The following ZNF503 variants were observed in gnomAD, a reference collection of about 807,000 sequenced individuals.
ZNF503 encodes the protein NocA-like zinc finger 2.
Under a neutral mutation model 34.4 loss-of-function variants are expected in ZNF503, and 15 were observed. That is an observed-to-expected ratio of 0.44 (90% confidence interval 0.29 to 0.67). The LOEUF (loss-of-function observed/expected upper bound fraction) is 0.67, where lower values mean the gene tolerates loss of function less well. ZNF503 is among the 30% of genes least tolerant of loss of function. ZNF503 has a pLI of 0.13. For synonymous variants in ZNF503, 580 were observed against 456.8 expected, an observed-to-expected ratio of 1.27 and a Z score of -3.44; for missense variants, 1,007 against 926.8, an observed-to-expected ratio of 1.09 and a Z score of -1.12.
chr10:75,337,284 G>A, the ZNF503 span, among the ~76,000 whole-genome samples: 11 of 151,734 alleles, frequency 7.2e-5, no homozygotes, highest in African/African-American at 2.2e-4. Context: ...AGCCGAGATC[G>A]TGCTACTGCC....
At chr10:75,311,362 C>T in the ZNF503 span, among the ~76,000 whole-genome samples, 1 of 152,328 alleles carries the variant, frequency 6.6e-6, no homozygotes, top group East Asian at 1.9e-4. Context: ...CCTTTGGCAA[C>T]ACCCTCACAG....
the ZNF503 span, among the ~76,000 whole-genome samples, chr10:75,300,611 A>T: frequency 6.6e-6 from 1 of 152,038 alleles, no homozygotes; most frequent in Admixed American, 6.5e-5. Context: ...TGAAATCTTC[A>T]CAATCCACAT....
the ZNF503 span, among the ~76,000 whole-genome samples, chr10:75,336,484 G>A: frequency 5.9e-5 from 9 of 151,648 alleles, no homozygotes; most frequent in African/African-American, 1.9e-4. Context: ...TTTGCTAAAT[G>A]TTAGGGAGCT....
rs530551308 is a variant in ZNF503 at position 75,400,581 on chromosome 10, C to T, written c.316-207G>A. Among the ~76,000 whole-genome samples, 4 of 152,308 alleles carry T rather than the reference C, an allele frequency of 2.6e-5. No homozygotes were observed. The South Asian group carries it at 8.3e-4, about 32-fold the overall frequency. ...TGGGAAAGGCAGCAGATTGCTCCCC[C>T]CGCCCAACCACCACCCCCAGCAGCA... On this transcript the variant is annotated intron_variant, in intron 1 of 1. Coordinates refer to ENST00000372524, the MANE Select transcript of ZNF503 (RefSeq NM_032772.6).
chr10:75,320,818 C>G, the ZNF503 span, among the ~76,000 whole-genome samples: 2 of 152,086 alleles, frequency 1.3e-5, no homozygotes, highest in African/African-American at 4.8e-5. Flanking sequence ...AGAAGAAAAT[C>G]ATAATCTTAT....
the ZNF503 span, among the ~76,000 whole-genome samples, chr10:75,377,230 C>T: frequency 1.2e-4 from 19 of 152,320 alleles, no homozygotes; most frequent in African/African-American, 4.6e-4. Context: ...AGGGCCTTTC[C>T]TGGGCCTTTC....
the ZNF503 span, among the ~76,000 whole-genome samples, chr10:75,387,845 A>T: frequency 6.6e-6 from 1 of 152,196 alleles, no homozygotes; most frequent in African/African-American, 2.4e-5. Flanking sequence ...CAATGGTACA[A>T]TGTCAGGGGT....
the ZNF503 span, among the ~76,000 whole-genome samples, chr10:75,331,094 G>A: frequency 6.6e-6 from 1 of 152,190 alleles, no homozygotes; most frequent in Admixed American, 6.5e-5. Flanking sequence ...TAATTTTCAG[G>A]TATTTGTACA....
the ZNF503 span, among the ~76,000 whole-genome samples, chr10:75,346,239 G>A: frequency 1.3e-5 from 2 of 152,102 alleles, no homozygotes; most frequent in Non-Finnish European, 2.9e-5. Flanking sequence ...GGTTTACCTT[G>A]TGTACAGGTC....
chr10:75,307,287 T>G, the ZNF503 span, among the ~76,000 whole-genome samples: 3 of 152,334 alleles, frequency 2.0e-5, no homozygotes, highest in South Asian at 4.1e-4. Flanking sequence ...ATTGCTGATA[T>G]GAAGAAAGTT....
chr10:75,352,261 G>A, the ZNF503 span, among the ~76,000 whole-genome samples: 1 of 152,318 alleles, frequency 6.6e-6, no homozygotes, highest in East Asian at 1.9e-4. Flanking sequence ...CCCAGCAAAG[G>A]ACAGAGAGGC....
the ZNF503 span, among the ~76,000 whole-genome samples, chr10:75,293,445 A>G: frequency 1.3e-5 from 2 of 152,194 alleles, no homozygotes; most frequent in African/African-American, 4.8e-5. Context: ...ACGTTGCCTC[A>G]GCAGATGCTC....
At chr10:75,389,027 A>T in the ZNF503 span, among the ~76,000 whole-genome samples, 9 of 152,088 alleles carry the variant, frequency 5.9e-5, no homozygotes, top group Admixed American at 6.5e-5. Context: ...CCTTCCCTCA[A>T]CCCACAAAAG....
chr10:75,380,172 C>A, the ZNF503 span, among the ~76,000 whole-genome samples: 2 of 152,196 alleles, frequency 1.3e-5, no homozygotes, highest in East Asian at 1.9e-4. Flanking sequence ...GGGCTACTTA[C>A]CCCTTGGAAG....
chr10:75,309,453 A>G, the ZNF503 span, among the ~76,000 whole-genome samples: 1 of 152,198 alleles, frequency 6.6e-6, no homozygotes, highest in Non-Finnish European at 1.5e-5. Context: ...GCATCCTTCA[A>G]CAACCACTAC....
At chr10:75,292,900 T>C in the ZNF503 span, among the ~76,000 whole-genome samples, 1 of 152,232 alleles carries the variant, frequency 6.6e-6, no homozygotes, top group African/African-American at 2.4e-5. Flanking sequence ...TGGTATTTTT[T>C]TCTTCCTCAG....
downstream of ZNF503, among the ~76,000 whole-genome samples, chr10:75,395,266 G>C (rs2131983217): frequency 6.6e-6 from 1 of 152,342 alleles, no homozygotes; most frequent in Admixed American, 6.5e-5. This position sits in a 1 kb window ranked among gnomAD's most constrained non-coding sequence, Gnocchi z 4.4. Context: ...TAGAGAACGA[G>C]GAGGAAACAA....
the ZNF503 span, among the ~76,000 whole-genome samples, chr10:75,290,387 G>A: frequency 2.6e-5 from 4 of 152,298 alleles, no homozygotes; most frequent in Non-Finnish European, 4.4e-5. Flanking sequence ...GCCTCTCCAT[G>A]TGAACTCTCT....
chr10:75,307,298 T>G, the ZNF503 span, among the ~76,000 whole-genome samples: 8 of 152,234 alleles, frequency 5.3e-5, no homozygotes, highest in Non-Finnish European at 1.0e-4. Flanking sequence ...GAAGAAAGTT[T>G]ACTAGTCGGG....
Sources: allele counts gnomAD v4.1 joint callset (sites outside exome capture counted in the v4.1 genomes callset), GRCh38; gene constraint gnomAD v4.1.1; non-coding constraint Gnocchi (gnomAD v3.1); transcripts MANE v1.5; gene names NCBI Gene and HGNC (gene_info 2026-07-23, HGNC 2026-07-21).